AMMECR1: variants seen among roughly 807,000 people sequenced by gnomAD.
The protein encoded by AMMECR1 is nuclear protein AMMECR1.
AMMECR1 carries 3 observed loss-of-function variants against 22.5 expected under a neutral mutation model. The observed-to-expected ratio is 0.13, with a 90% CI of 0.06 to 0.35. The LOEUF (loss-of-function observed/expected upper bound fraction) is 0.35. Ranked by LOEUF, AMMECR1 falls within the 10% of genes least tolerant of loss-of-function variation. The probability of loss-of-function intolerance (pLI) is 1.00; values close to 1 mark genes in which losing one functional copy is unlikely to be tolerated. For synonymous variants in AMMECR1, 130 were observed against 116.7 expected, an observed-to-expected ratio of 1.11 and a Z score of -0.74; for missense variants, 235 against 278.7, an observed-to-expected ratio of 0.84 and a Z score of 1.12.
At chrX:110,300,786 G>A (rs939355577) in intron 1 of AMMECR1, among the ~76,000 whole-genome samples, 1 of 112,036 alleles carries the variant, frequency 8.9e-6, no homozygotes, top group African/African-American at 3.2e-5. Flanking sequence ...TGTTTACCCT[G>A]TGGCTTCATT....
At chrX:110,359,930 G>T (rs1040466147) in intron 2 of AMMECR1, among the ~76,000 whole-genome samples, 7 of 112,103 alleles carry the variant, frequency 6.2e-5, no homozygotes, top group African/African-American at 2.3e-4. Context: ...GAATGGAGCA[G>T]CACTTTCCAA....
chrX:110,282,224 G>C (rs1000014040), intron 1 of AMMECR1, among the ~76,000 whole-genome samples: 28 of 110,376 alleles, frequency 2.5e-4, no homozygotes, highest in African/African-American at 7.9e-4. Context: ...TTTTGTCTTA[G>C]AATTCTAGTA....
chrX:110,255,653 A>C (rs1041511440), intron 2 of AMMECR1, among the ~76,000 whole-genome samples: 5 of 111,591 alleles, frequency 4.5e-5, no homozygotes, highest in South Asian at 3.8e-4. Context: ...CCTTTAATTA[A>C]AGCTTCTGAA....
At chrX:110,402,930 G>T (rs2068574860) in intron 2 of AMMECR1, among the ~76,000 whole-genome samples, 2 of 112,172 alleles carry the variant, frequency 1.8e-5, no homozygotes, top group Admixed American at 1.9e-4. Context: ...GTGTGACAGG[G>T]TTCACTGGGT....
intron 1 of AMMECR1, among the ~76,000 whole-genome samples, chrX:110,428,919 C>T (rs1050042787): frequency 3.6e-5 from 4 of 112,274 alleles, no homozygotes; most frequent in Admixed American, 9.4e-5. Flanking sequence ...GGGTCCGATG[C>T]GACGGCACAG....
At chrX:110,311,456 T>A (rs974021571) in intron 1 of AMMECR1, among the ~76,000 whole-genome samples, 1 of 112,125 alleles carries the variant, frequency 8.9e-6, no homozygotes, top group African/African-American at 3.2e-5. Flanking sequence ...ATTCCTTCTA[T>A]TTTTCTGGTT....
At chrX:110,435,556 G>C (rs1017715590) in intron 1 of AMMECR1, among the ~76,000 whole-genome samples, 2 of 111,998 alleles carry the variant, frequency 1.8e-5, no homozygotes, top group African/African-American at 6.5e-5. Context: ...TTAGGCATGA[G>C]AGTTTTAGTT....
chrX:110,412,575 T>C (rs967692817), intron 2 of AMMECR1, among the ~76,000 whole-genome samples: 1 of 112,044 alleles, frequency 8.9e-6, no homozygotes, highest in African/African-American at 3.2e-5. Context: ...ATTCATGAAG[T>C]TGTGAAGAGT....
chrX:110,255,877 A>G (rs2067708589), intron 2 of AMMECR1, among the ~76,000 whole-genome samples: 1 of 112,467 alleles, frequency 8.9e-6, no homozygotes, highest in Non-Finnish European at 1.9e-5. Context: ...TTTTCTGAAC[A>G]TCACACCAAG....
intron 2 of AMMECR1, among the ~76,000 whole-genome samples, chrX:110,342,914 C>A (rs898620611): frequency 9.0e-6 from 1 of 111,502 alleles, no homozygotes; most frequent in African/African-American, 3.3e-5. Context: ...ACCAGGGGTA[C>A]AAGGAGGAGC....
At chrX:110,353,632 T>TC (rs57227268) in intron 2 of AMMECR1, among the ~76,000 whole-genome samples, 6,949 of 111,776 alleles carry the variant, frequency 0.062, 536 homozygotes, top group African/African-American at 0.21. Flanking sequence ...TTTTCAAGGT[T>TC]CTCCTGTTGT....
chrX:110,377,589 C>T (rs1045002842), intron 2 of AMMECR1, among the ~76,000 whole-genome samples: 1 of 112,127 alleles, frequency 8.9e-6, no homozygotes, highest in Non-Finnish European at 1.9e-5. Flanking sequence ...TTTTCTTACT[C>T]AGGACTGGTG....
intron 1 of AMMECR1, among the ~76,000 whole-genome samples, chrX:110,269,527 TG>T (rs746152372): frequency 0.018 from 1,744 of 95,682 alleles, 17 homozygotes; most frequent in African/African-American, 0.025. Flanking sequence ...TTATTTATAT[TG>T]GGGGGGGGGA....
At chrX:110,371,533 G>GC (rs1485892907) in intron 2 of AMMECR1, among the ~76,000 whole-genome samples, 1 of 110,611 alleles carries the variant, frequency 9.0e-6, no homozygotes, top group Admixed American at 9.6e-5. Flanking sequence ...ACTCCCCCCA[G>GC]CCCCCCACTA....
chrX:110,321,297 T>C (rs2068078114), upstream of AMMECR1, among the ~76,000 whole-genome samples: 1 of 110,608 alleles, frequency 9.0e-6, no homozygotes, highest in Admixed American at 9.6e-5. Context: ...GAGGAAACTT[T>C]AAGTTGCCTT....
chrX:110,422,817 C>G (rs1397031242), intron 2 of AMMECR1, among the ~76,000 whole-genome samples: 2 of 111,886 alleles, frequency 1.8e-5, no homozygotes, highest in Non-Finnish European at 3.8e-5. Context: ...CTCACCTGCT[C>G]CTTGAAAATG....
intron 2 of AMMECR1, among the ~76,000 whole-genome samples, chrX:110,379,006 A>G (rs1361128454): frequency 1.8e-5 from 2 of 111,718 alleles, no homozygotes; most frequent in Non-Finnish European, 3.8e-5. Flanking sequence ...CAGCTTCTCC[A>G]TGGGGCCTGC....
At chrX:110,392,406 G>C (rs1052771006) in intron 2 of AMMECR1, among the ~76,000 whole-genome samples, 1 of 108,464 alleles carries the variant, frequency 9.2e-6, no homozygotes, top group African/African-American at 3.4e-5. Context: ...CTCCCAAGTA[G>C]TTAGGACTTA....
chrX:110,245,717 T>C (rs766170726), intron 2 of AMMECR1, among the ~76,000 whole-genome samples: 1 of 110,353 alleles, frequency 9.1e-6, no homozygotes, highest in African/African-American at 3.3e-5. Flanking sequence ...GAATCAAGCA[T>C]AATTAACTAG....
Sources: allele counts gnomAD v4.1 joint callset (sites outside exome capture counted in the v4.1 genomes callset), GRCh38; gene constraint gnomAD v4.1.1; transcripts MANE v1.5; gene names NCBI Gene and HGNC (gene_info 2026-07-23, HGNC 2026-07-21).